Variants in LSAMP observed in about 807,000 individuals in gnomAD.
LSAMP encodes the protein limbic system associated membrane protein, also known as limbic system-associated membrane protein.
LSAMP carries 7 observed loss-of-function variants against 38.6 expected under a neutral mutation model. The observed-to-expected ratio is 0.18, with a 90% CI of 0.10 to 0.34. The LOEUF (loss-of-function observed/expected upper bound fraction) is 0.34. Among genes scored for constraint, LSAMP ranks in the 10% least tolerant of loss-of-function variants. LSAMP has a pLI of 1.00. For missense variants in LSAMP, 313 were observed against 420.0 expected (o/e 0.75, Z 2.23); for synonymous variants, 154 against 166.8 (o/e 0.92, Z 0.59).
At chr3:115,943,378 G>C (rs1020892507) in intron 3 of LSAMP, among the ~76,000 whole-genome samples, 2 of 152,188 alleles carry the variant, frequency 1.3e-5, no homozygotes, top group Admixed American at 1.3e-4. Flanking sequence ...GGAGCTGGTA[G>C]TTCCTTCCTC....
chr3:115,831,939 C>A (rs1405446145), intron 6 of LSAMP, among the ~76,000 whole-genome samples: 2 of 152,026 alleles, frequency 1.3e-5, no homozygotes, highest in Admixed American at 6.6e-5. Flanking sequence ...ATATAAATTA[C>A]CCATTGGTGG....
chr3:116,122,442 G>A (rs1220138908), intron 1 of LSAMP, among the ~76,000 whole-genome samples: 1 of 152,090 alleles, frequency 6.6e-6, no homozygotes, highest in Non-Finnish European at 1.5e-5. Flanking sequence ...TTATCAAAAG[G>A]TCTTTCCTGA....
At chr3:116,399,827 T>C (rs1169865415) in intron 1 of LSAMP, among the ~76,000 whole-genome samples, 2 of 152,176 alleles carry the variant, frequency 1.3e-5, no homozygotes, top group African/African-American at 4.8e-5. Context: ...TCTACAAGCA[T>C]AAACTTATCC....
chr3:115,908,775 T>C (rs1033348788), intron 3 of LSAMP, among the ~76,000 whole-genome samples: 3 of 152,166 alleles, frequency 2.0e-5, no homozygotes, highest in South Asian at 2.1e-4. Context: ...AAATAAAGTA[T>C]AGGTGTCAGA....
At chr3:115,963,153 C>T (rs1401589244) in intron 3 of LSAMP, among the ~76,000 whole-genome samples, 2 of 152,064 alleles carry the variant, frequency 1.3e-5, no homozygotes, top group African/African-American at 2.4e-5. Flanking sequence ...CTCCATGTTT[C>T]GTTGTAACAA....
intron 4 of LSAMP, among the ~76,000 whole-genome samples, chr3:115,843,726 C>G (rs895325516): frequency 6.6e-6 from 1 of 151,214 alleles, no homozygotes; most frequent in African/African-American, 2.4e-5. Context: ...CCTAAGTTTT[C>G]TACCTATAGA....
chr3:116,107,573 C>T (rs560789854), intron 1 of LSAMP, among the ~76,000 whole-genome samples: 1 of 152,236 alleles, frequency 6.6e-6, no homozygotes, highest in South Asian at 2.1e-4. Flanking sequence ...ATTAATCGGA[C>T]AGGATCAGCA....
intron 1 of LSAMP, among the ~76,000 whole-genome samples, chr3:116,299,733 A>C (rs901114502): frequency 6.6e-6 from 1 of 152,214 alleles, no homozygotes; most frequent in African/African-American, 2.4e-5. Flanking sequence ...TGCAAGAAGC[A>C]TGCAGAATGA....
chr3:116,246,104 C>G (rs146915358), intron 1 of LSAMP, among the ~76,000 whole-genome samples: 3 of 152,102 alleles, frequency 2.0e-5, no homozygotes, highest in Non-Finnish European at 2.9e-5. Flanking sequence ...TGCTTAAAAC[C>G]GCCAATTAAT....
At chr3:116,079,053 T>A (rs1227435125) in intron 2 of LSAMP, among the ~76,000 whole-genome samples, 2 of 152,210 alleles carry the variant, frequency 1.3e-5, no homozygotes, top group Non-Finnish European at 2.9e-5. Flanking sequence ...TAATCATTAA[T>A]AACTTCAATT....
At chr3:116,419,794 A>G (rs2049098322) in intron 1 of LSAMP, among the ~76,000 whole-genome samples, 1 of 152,222 alleles carries the variant, frequency 6.6e-6, no homozygotes, top group South Asian at 2.1e-4. Flanking sequence ...AGATGTGTAT[A>G]ACTCTGAGTA....
At chr3:116,406,351 G>A (rs751861837) in intron 1 of LSAMP, among the ~76,000 whole-genome samples, 1 of 152,034 alleles carries the variant, frequency 6.6e-6, no homozygotes, top group Non-Finnish European at 1.5e-5. Context: ...ACCCAGTATA[G>A]CTTGGAATCA....
chr3:115,827,211 T>C (rs1286153749), intron 6 of LSAMP, among the ~76,000 whole-genome samples: 2 of 152,128 alleles, frequency 1.3e-5, no homozygotes. Flanking sequence ...GAAAAACCAC[T>C]GTAGGATGGC....
chr3:116,255,732 G>A (rs982964584), intron 1 of LSAMP, among the ~76,000 whole-genome samples: 6 of 152,126 alleles, frequency 3.9e-5, no homozygotes, highest in African/African-American at 1.4e-4. Flanking sequence ...GGAGGGGAAG[G>A]GCTGAGCTTC....
intron 1 of LSAMP, among the ~76,000 whole-genome samples, chr3:116,373,206 T>C (rs552862881): frequency 1.6e-4 from 25 of 151,534 alleles, no homozygotes; most frequent in African/African-American, 4.8e-4. Flanking sequence ...AAACGTGTTT[T>C]TTATATATAT....
chr3:116,099,341 A>C (rs773806730), intron 1 of LSAMP, among the ~76,000 whole-genome samples: 1 of 152,142 alleles, frequency 6.6e-6, no homozygotes, highest in Non-Finnish European at 1.5e-5. Flanking sequence ...CCAAAATATG[A>C]CTATTAAGTG....
chr3:116,308,812 G>C (rs948085946), intron 1 of LSAMP, among the ~76,000 whole-genome samples: 3 of 151,966 alleles, frequency 2.0e-5, no homozygotes, highest in Non-Finnish European at 4.4e-5. Context: ...TATTTCAAAG[G>C]GTTAAGTATC....
chr3:116,373,380 C>T (rs1228931459), intron 1 of LSAMP, among the ~76,000 whole-genome samples: 1 of 151,426 alleles, frequency 6.6e-6, no homozygotes, highest in Admixed American at 6.6e-5. Context: ...AGTACTCATA[C>T]TCATAAGGAC....
At chr3:116,399,141 A>G (rs534895657) in intron 1 of LSAMP, among the ~76,000 whole-genome samples, 1 of 152,324 alleles carries the variant, frequency 6.6e-6, no homozygotes, top group Admixed American at 6.5e-5. Context: ...ATAAGACTAG[A>G]GAGTTATGTA....
Sources: allele counts gnomAD v4.1 joint callset (sites outside exome capture counted in the v4.1 genomes callset), GRCh38; gene constraint gnomAD v4.1.1; transcripts MANE v1.5; gene names NCBI Gene and HGNC (gene_info 2026-07-23, HGNC 2026-07-21).